Variants in LRP6 observed in about 807,000 individuals in gnomAD.
LRP6 encodes the protein LDL receptor related protein 6.
A neutral mutation model predicts 184.1 loss-of-function variants in LRP6; 43 were observed. The observed-to-expected ratio is 0.23, with a 90% CI of 0.18 to 0.30. The LOEUF (loss-of-function observed/expected upper bound fraction) is 0.30, where lower values mean the gene tolerates loss of function less well. Ranked by LOEUF, LRP6 falls within the 10% of genes least tolerant of loss-of-function variation. The pLI is 1.00. For synonymous variants in LRP6, 719 were observed against 684.9 expected (o/e 1.05, Z -0.78); for missense variants, 1,571 against 2,005.3 (o/e 0.78, Z 4.14).
At chr12:12,221,304 A>T (rs889317680) in intron 2 of LRP6, among the ~76,000 whole-genome samples, 5 of 152,246 alleles carry the variant, frequency 3.3e-5, no homozygotes, top group Non-Finnish European at 4.4e-5. Context: ...TGGTTCACCC[A>T]TGCCTTCATA....
At chr12:12,130,273 G>C (rs1051417281) in intron 19 of LRP6, among the ~76,000 whole-genome samples, 5 of 145,748 alleles carry the variant, frequency 3.4e-5, no homozygotes, top group African/African-American at 1.3e-4. Context: ...TGCAACCTCC[G>C]CCTCCTGGGT....
intron 10 of LRP6, 145 bp downstream of exon 10, chr12:12,162,048 A>C: frequency 1.5e-6 from 1 of 655,376 alleles, no homozygotes; most frequent in East Asian, 2.8e-5. Context: ...AAATATCAAT[A>C]GTGTTTTTAA....
At chr12:12,151,856 A>C (rs1411139419) in intron 12 of LRP6, among the ~76,000 whole-genome samples, 1 of 152,156 alleles carries the variant, frequency 6.6e-6, no homozygotes, top group East Asian at 1.9e-4. Flanking sequence ...ATTTAAAATA[A>C]TTATTTATTA....
At chr12:12,263,586 T>G (rs1865680919) in intron 1 of LRP6, among the ~76,000 whole-genome samples, 1 of 148,444 alleles carries the variant, frequency 6.7e-6, no homozygotes, top group Non-Finnish European at 1.5e-5. Flanking sequence ...TCTGCACCTG[T>G]AATCCCAGAA....
At chr12:12,130,603 ACTG>A (rs1375648983) in intron 19 of LRP6, among the ~76,000 whole-genome samples, 177 bp downstream of exon 19, 5 of 152,200 alleles carry the variant, frequency 3.3e-5, no homozygotes, top group African/African-American at 9.7e-5. Flanking sequence ...GCATAAGAAA[ACTG>A]CTATGTTTAA....
chr12:12,213,163 ATG>A (rs922679521), intron 2 of LRP6, among the ~76,000 whole-genome samples: 2 of 152,106 alleles, frequency 1.3e-5, no homozygotes, highest in Admixed American at 6.5e-5. Flanking sequence ...TTAAAATCAA[ATG>A]TGTGTGGAAG....
intron 1 of LRP6, among the ~76,000 whole-genome samples, chr12:12,260,283 C>T (rs772551680): frequency 6.6e-6 from 1 of 151,330 alleles, no homozygotes; most frequent in Non-Finnish European, 1.5e-5. Context: ...GAGGCTGAGG[C>T]AGGAGAATGG....
Position 12,119,900 on chromosome 12 carries a change from A to T in LRP6, c.*1226T>A, listed in dbSNP as rs1949571192. ...CATCACAAACTGTTAATATAGGGAA[A>T]ATCCTAATAAGAAAAAAATCTTTTT... On this transcript the variant is annotated 3_prime_UTR_variant, in exon 23 of 23. Coordinates refer to ENST00000261349, the MANE Select transcript of LRP6 (RefSeq NM_002336.3). 1 of 150,002 alleles carries T rather than the reference A, an allele frequency of 6.7e-6. No homozygotes were observed. The highest frequency in any genetic ancestry group is 2.5e-5 in the African/African-American group (1 of 40,762). 9.3% of individuals were successfully genotyped at this position (150,002 alleles called of 1,614,324 possible). A position where few individuals can be genotyped will look rare whatever the true frequency, so the allele number is the denominator to read the frequency against.
At chr12:12,122,022 C>T (rs916527801) in intron 22 of LRP6, among the ~76,000 whole-genome samples, 10 of 152,162 alleles carry the variant, frequency 6.6e-5, no homozygotes, top group Non-Finnish European at 1.5e-5. Context: ...GGTTTTCATT[C>T]CCTGTGTATA....
intron 4 of LRP6, among the ~76,000 whole-genome samples, chr12:12,184,613 C>T (rs1374174139): frequency 1.3e-5 from 2 of 152,076 alleles, no homozygotes; most frequent in Non-Finnish European, 2.9e-5. Flanking sequence ...GGGCTATAAA[C>T]TGGGTAAGAT....
intron 1 of LRP6, chr12:12,249,373 G>A: frequency 2.0e-6 from 2 of 1,021,132 alleles, no homozygotes; most frequent in Non-Finnish European, 3.1e-6. Context: ...GCCTAATGGT[G>A]TCTAAAGAAA....
At chr12:12,136,955 C>CT (rs1949849409) in intron 16 of LRP6, among the ~76,000 whole-genome samples, 1 of 152,120 alleles carries the variant, frequency 6.6e-6, no homozygotes, top group South Asian at 2.1e-4. Flanking sequence ...CATGTATCGA[C>CT]TAAATAAATA....
Position 12,125,373 on chromosome 12 carries a change from G to A in LRP6, c.4372C>T (p.Pro1458Ser). 6.2e-7 allele frequency: 1 copy of A among 1,613,884 alleles called. No individual in the cohort carries two copies. The change falls in exon 21 of 23, where the codon CCC (proline) becomes TCC (serine). Residue 1458 changes from proline to serine, a missense_variant. By Grantham distance (74) the Pro-to-Ser change is moderately conservative (BLOSUM62 -1). Transcript: ENST00000261349. ...GTAACATGGGCTCGGTCATAGGGGG[G>A]TCCACTGCTTCCCCCCATGATACTG... is the stretch of plus-strand genomic sequence containing the variant. ...SLSIMGGSSG[P>S]PYDRAHVTGA... is the part of the protein sequence containing the mutation.
rs913714457 is a variant in LRP6, at chr12:12,243,053, T to C, written c.449+1209A>G. Among the ~76,000 whole-genome samples, 7 of 152,314 alleles carry C rather than the reference T, an allele frequency of 4.6e-5. No homozygotes were observed. In the East Asian group the frequency reaches 1.4e-3, roughly 29 times the overall value. On this transcript the variant is annotated intron_variant, in intron 2 of 22. Transcript: ENST00000261349. ...AGCTAAAGAAAACAAAGTATTAAAA[T>C]AGTACAGGTTATTTATCTTTGGATT...
chr12:12,216,404 T>G (rs1864344852), intron 2 of LRP6, among the ~76,000 whole-genome samples: 1 of 151,980 alleles, frequency 6.6e-6, no homozygotes, highest in African/African-American at 2.4e-5. Flanking sequence ...TTTATTCAGC[T>G]GAAAAATATG....
intron 1 of LRP6, among the ~76,000 whole-genome samples, chr12:12,251,433 A>G (rs1591987899): frequency 6.6e-6 from 1 of 151,570 alleles, no homozygotes; most frequent in African/African-American, 2.4e-5. Context: ...GTGGGATCTC[A>G]GCTCACTGCA....
At chr12:12,217,261 C>G (rs918716672) in intron 2 of LRP6, among the ~76,000 whole-genome samples, 1 of 152,068 alleles carries the variant, frequency 6.6e-6, no homozygotes. Flanking sequence ...CTATTGTGAA[C>G]TGCGCATTGC....
chr12:12,242,360 A>T (rs969369880), intron 2 of LRP6, among the ~76,000 whole-genome samples: 2 of 152,198 alleles, frequency 1.3e-5, no homozygotes, highest in Non-Finnish European at 2.9e-5. Flanking sequence ...TGAACATAAT[A>T]ACCATTTAAC....
At chr12:12,188,271 G>A (rs1470340921) in intron 3 of LRP6, among the ~76,000 whole-genome samples, 5 of 150,828 alleles carry the variant, frequency 3.3e-5, no homozygotes, top group Non-Finnish European at 7.4e-5. Context: ...AACAAATCAC[G>A]TTTTGAGTCA....
Sources: allele counts gnomAD v4.1 joint callset (sites outside exome capture counted in the v4.1 genomes callset), GRCh38; gene constraint gnomAD v4.1.1; transcripts MANE v1.5; gene names NCBI Gene and HGNC (gene_info 2026-07-23, HGNC 2026-07-21).